The following GEMIN4 variants were observed in gnomAD, a reference collection of about 807,000 sequenced individuals.
The protein encoded by GEMIN4 is gem nuclear organelle associated protein 4, also known as gem-associated protein 4.
In GEMIN4, 59 loss-of-function variants were observed where a neutral mutation model predicts 76.8. The ratio of observed to expected loss-of-function variants is 0.77; its 90% CI spans 0.62 to 0.95. GEMIN4 has a LOEUF of 0.95. Among genes scored for constraint, GEMIN4 ranks in the 40% least tolerant of loss-of-function variants. The pLI is 0.00. For synonymous variants in GEMIN4, 562 were observed against 559.7 expected, an observed-to-expected ratio of 1.00 and a Z score of -0.06; for missense variants, 1,311 against 1,318.9, an observed-to-expected ratio of 0.99 and a Z score of 0.09.
At position 745,092 on chromosome 17, in the gene GEMIN4, C is replaced by A. The variant is rs1242322607; in HGVS notation, c.2951G>T (p.Cys984Phe). ...EALFVYTQVF[C>F]HALHIMAMLH... ...CATGGCCATGATGTGCAGAGCATGG[C>A]AGAACACCTGGGTGTAAACAAACAG... Residue 984 changes from cysteine to phenylalanine, a missense_variant, in exon 2 of 2, where the codon TGC becomes TTC. Cys to Phe is a radical substitution (Grantham distance 205). Around this residue, in one of 2 missense-constraint regions of GEMIN4, gnomAD observed 1,208 missense variants for 1,166.9 expected, o/e 1.04. Coordinates refer to ENST00000319004, the MANE Select transcript of GEMIN4 (RefSeq NM_015721.3). This position sits in a 1 kb window ranked among gnomAD's most constrained non-coding sequence, Gnocchi z 4.6. 1 of 1,613,040 alleles carries A rather than the reference C, an allele frequency of 6.2e-7. No homozygotes were observed. The highest frequency in any genetic ancestry group is 1.7e-5 in the Admixed American group (1 of 59,864).
At chr17:753,722 A>G (rs1361706620), upstream of GEMIN4, 1 of 152,378 alleles carries the variant, frequency 6.6e-6, no homozygotes, top group Non-Finnish European at 1.5e-5. Flanking sequence ...CTCTCCTATT[A>G]CAAGAGCGTA....
chr17:752,430 C>G (rs1179191499), upstream of GEMIN4, among the ~76,000 whole-genome samples: 2 of 152,232 alleles, frequency 1.3e-5, no homozygotes, highest in Non-Finnish European at 1.5e-5. Context: ...CTGCCCGGCC[C>G]CTCTTCCGGG....
chr17:744,664 A>C lies in GEMIN4; in HGVS notation c.*202T>G. ...TTTTATGATAGTTTGTACGTTACAA[A>C]TACCCAAGAAACTATTTTCTTTACA... is the stretch of plus-strand genomic sequence containing the variant. On this transcript the variant is annotated 3_prime_UTR_variant, in exon 2 of 2. Transcript: ENST00000319004. The C allele has an allele frequency of 1.8e-6, 1 of 552,212 alleles. No homozygotes were observed. The highest frequency in any genetic ancestry group is 2.8e-5 in the South Asian group (1 of 35,560). The allele number at this position is 552,212 out of a possible 1,614,324, so 34.2% of individuals were successfully genotyped here.
In GEMIN4 at chr17:751,534, G is replaced by A. The variant is rs544083639; in HGVS notation, c.10+599C>T. Reference sequence around the variant, plus strand: ...TCTAGTTCCTATGGGCTCCCTCCCAGACCTTGCCTGTAAGATTCTGAATCC... The same window carrying A: ...TCTAGTTCCTATGGGCTCCCTCCCAAACCTTGCCTGTAAGATTCTGAATCC... On this transcript the variant is annotated intron_variant, in intron 1 of 1. Coordinates refer to ENST00000319004, the MANE Select transcript of GEMIN4 (RefSeq NM_015721.3). The A allele has an allele frequency of 3.9e-5, 6 of 152,324 alleles. No homozygotes were observed. In the East Asian group the frequency reaches 1.2e-3, roughly 29 times the overall value. The allele number at this position is 152,324 out of a possible 1,614,324, so 9.4% of individuals were successfully genotyped here.
chr17:754,120 A>G (rs775706242), upstream of GEMIN4: 1 of 152,254 alleles, frequency 6.6e-6, no homozygotes, highest in African/African-American at 2.4e-5. Flanking sequence ...TGTTCCCGGG[A>G]CTATTCTGTA....
Position 744,699 on chromosome 17 carries a change from C to T in GEMIN4, c.*167G>A. 2 of 634,696 alleles carry T rather than the reference C, an allele frequency of 3.2e-6. No homozygotes were observed. The highest frequency in any genetic ancestry group is 2.8e-5 in the East Asian group (1 of 35,764). 39.3% of individuals were successfully genotyped at this position (634,696 alleles called of 1,614,324 possible). ...AACTATTTTCTTTACACCATTATTG[C>T]CATGACTTTTTGTGGACAGTTTCAC... On this transcript the variant is annotated 3_prime_UTR_variant, in exon 2 of 2. Transcript: ENST00000319004.
chr17:750,857 G>A (rs1904638604), intron 1 of GEMIN4, among the ~76,000 whole-genome samples: 1 of 152,210 alleles, frequency 6.6e-6, no homozygotes, highest in Non-Finnish European at 1.5e-5. Context: ...CCGACTCCCA[G>A]GGAGGGTTAC....
At chr17:752,335 G>A, upstream of GEMIN4, 1 of 1,201,848 alleles carries the variant, frequency 8.3e-7, no homozygotes, top group Non-Finnish European at 1.0e-6. Flanking sequence ...AGCGCGCCAA[G>A]CGCACAGCGC....
At position 744,898 on chromosome 17, in the gene GEMIN4, G is replaced by A; in HGVS notation, c.3145C>T (p.Gln1049Ter). The A allele has an allele frequency of 3.1e-6, 5 of 1,613,018 alleles. No homozygotes were observed. The South Asian group carries it at 5.5e-5, about 18-fold the overall frequency. ...AEGIGPEERR[Q>*]TLLQKMSSF Reference sequence around the variant, plus strand: ...CTGCTCATCTTCTGCAACAGGGTTTGGCGCCGTTCTTCAGGGCCGATGCCC... The same window carrying A: ...CTGCTCATCTTCTGCAACAGGGTTTAGCGCCGTTCTTCAGGGCCGATGCCC... The change falls in exon 2 of 2, where the codon CAA (glutamine) becomes TAA (stop). Residue 1049 changes from glutamine (Q) to a stop codon, truncating the protein, a stop_gained. Transcript: ENST00000319004. LOFTEE classifies it high-confidence loss of function.
chr17:749,899 T>A, intron 1 of GEMIN4: 1 of 990,388 alleles, frequency 1.0e-6, no homozygotes, highest in Non-Finnish European at 1.2e-6. Context: ...AAGGTACTCA[T>A]GGCCCTAGCT....
chr17:750,509 G>A (rs1008105972), intron 1 of GEMIN4, among the ~76,000 whole-genome samples: 1 of 152,156 alleles, frequency 6.6e-6, no homozygotes, highest in African/African-American at 2.4e-5. Flanking sequence ...GCCTCCCCCA[G>A]CTCAGAAACA....
Position 746,103 on chromosome 17 carries a change from T to C in GEMIN4, c.1940A>G (p.Glu647Gly), listed in dbSNP as rs374674049. 24 of 1,613,792 alleles carry C rather than the reference T, an allele frequency of 1.5e-5. No homozygotes were observed. The East Asian group carries it at 1.8e-4, about 12-fold the overall frequency. ...AAATTCCTTCAGCACCTCGTCTGGC[T>C]CAAGAAGAGCAGCCACTGGAATCCC... ...PQGIPVAALL[E>G]PDEVLKEFVL... The change falls in exon 2 of 2, where the codon GAG becomes GGG. Residue 647 changes from glutamate to glycine, a missense_variant. Coordinates refer to ENST00000319004, the MANE Select transcript of GEMIN4 (RefSeq NM_015721.3). This position sits in a 1 kb window ranked among gnomAD's most constrained non-coding sequence, Gnocchi z 4.3.
In GEMIN4 at chr17:744,622, A is replaced by G. The variant is rs903590992; in HGVS notation, c.*244T>C. ...GCCGACTTAGAAGAGACAAAGTGAG[A>G]TGCGAAAGAGGAGAATTTTTATGAT... On this transcript the variant is annotated 3_prime_UTR_variant, in exon 2 of 2. Coordinates refer to ENST00000319004, the MANE Select transcript of GEMIN4 (RefSeq NM_015721.3). 1.4e-5 allele frequency: 6 copies of G among 432,152 alleles called. No homozygotes were observed. The Admixed American group carries it at 2.4e-4, about 17-fold the overall frequency. 26.8% of individuals were successfully genotyped at this position (432,152 alleles called of 1,614,324 possible). A position where few individuals can be genotyped will look rare whatever the true frequency, so the allele number is the denominator to read the frequency against.
At chr17:751,279 G>T (rs1457932986) in intron 1 of GEMIN4, among the ~76,000 whole-genome samples, 1 of 152,186 alleles carries the variant, frequency 6.6e-6, no homozygotes, top group East Asian at 1.9e-4. Context: ...GAAACGATTT[G>T]CTGAGGGTGT....
intron 1 of GEMIN4, chr17:751,928 C>G (rs561040075): frequency 1.3e-4 from 52 of 386,100 alleles, no homozygotes; most frequent in Admixed American, 6.8e-4. Flanking sequence ...GGGCCGGAGG[C>G]GGCAAGACGC....
chr17:753,899 C>T (rs1904878521), upstream of GEMIN4: 1 of 152,262 alleles, frequency 6.6e-6, no homozygotes, highest in African/African-American at 2.4e-5. Context: ...GGGAGAGGGA[C>T]TCTGTCCTCC....
rs371056751 is a variant in GEMIN4 at position 745,847 on chromosome 17, G to A, written c.2196C>T (p.Ile732=). 4.0e-5 allele frequency: 65 copies of A among 1,612,944 alleles called. No individual in the cohort carries two copies. Among genetic ancestry groups the A allele is most frequent in the Non-Finnish European group, 5.5e-5 (65 of 1,179,836 alleles). Residue 732 remains isoleucine (I), a synonymous_variant, in exon 2 of 2, where the codon ATC becomes ATT. Coordinates refer to ENST00000319004, the MANE Select transcript of GEMIN4 (RefSeq NM_015721.3). This position sits in a 1 kb window ranked among gnomAD's most constrained non-coding sequence, Gnocchi z 4.6. The part of the protein sequence containing the change: ...SLDRKDLAIH[I]LELLCEIVSA... ...ATACAATCTCACACAGGAGCTCCAG[G>A]ATATGGATCGCTAGATCCTTCCTAT... is the stretch of plus-strand genomic sequence containing the variant.
chr17:744,658 T>A lies in GEMIN4; in HGVS notation c.*208A>T. 1.8e-6 allele frequency: 1 copy of A among 543,034 alleles called. No homozygotes were observed. The highest frequency in any genetic ancestry group is 3.2e-6 in the Non-Finnish European group (1 of 311,900). 33.6% of individuals were successfully genotyped at this position (543,034 alleles called of 1,614,324 possible). A position where few individuals can be genotyped will look rare whatever the true frequency, so the allele number is the denominator to read the frequency against. ...GAGAATTTTTATGATAGTTTGTACG[T>A]TACAAATACCCAAGAAACTATTTTC... On this transcript the variant is annotated 3_prime_UTR_variant, in exon 2 of 2. Transcript: ENST00000319004.
At position 752,216 on chromosome 17, in the gene GEMIN4, C is replaced by T. The variant is rs1210802312; in HGVS notation, c.-74G>A. The T allele has an allele frequency of 3.3e-6, 4 of 1,229,980 alleles. No homozygotes were observed. Among genetic ancestry groups the T allele is most frequent in the Non-Finnish European group, 3.0e-6 (3 of 986,138 alleles). 76.2% of individuals were successfully genotyped at this position (1,229,980 alleles called of 1,614,324 possible). Reference sequence around the variant, plus strand: ...GAACTCGAACGCGGCGCGGGACGCACGGCACGATGGGAGACGCAGGAGCCA... The same window carrying T: ...GAACTCGAACGCGGCGCGGGACGCATGGCACGATGGGAGACGCAGGAGCCA... On this transcript the variant is annotated 5_prime_UTR_variant, in exon 1 of 2. In the 5' UTR this introduces an upstream ATG that the reference lacks. Transcript: ENST00000319004.
Sources: gnomAD v4.1 joint callset for allele counts (sites outside exome capture counted in the v4.1 genomes callset) on GRCh38, gnomAD v4.1.1 for gene constraint, gnomAD v4.1.1 regional missense constraint, Gnocchi (gnomAD v3.1) non-coding constraint, MANE v1.5 for transcripts, NCBI Gene and HGNC (gene_info 2026-07-23, HGNC 2026-07-21) for gene names.